The following ADCY10 variants were observed in gnomAD, a reference collection of about 807,000 sequenced individuals.
ADCY10 encodes the protein adenylate cyclase type 10.
In ADCY10, 156 loss-of-function variants were observed where a neutral mutation model predicts 183.3. The observed-to-expected ratio is 0.85, with a 90% CI of 0.75 to 0.97. ADCY10 has a LOEUF of 0.97. Among genes scored for constraint, ADCY10 ranks in the 50% least tolerant of loss-of-function variants. The pLI is 0.00. For synonymous variants in ADCY10, 645 were observed against 670.0 expected (o/e 0.96, Z 0.58); for missense variants, 1,745 against 1,934.3 (o/e 0.90, Z 1.84).
intron 14 of ADCY10, among the ~76,000 whole-genome samples, chr1:167,868,449 T>C (rs1666854698): frequency 6.6e-6 from 1 of 152,184 alleles, no homozygotes; most frequent in Admixed American, 6.5e-5. Flanking sequence ...TGTATAATGG[T>C]ACCACAAAAA....
At chr1:167,909,430 A>T (rs552402298) in intron 1 of ADCY10, among the ~76,000 whole-genome samples, 13 of 152,312 alleles carry the variant, frequency 8.5e-5, no homozygotes, top group African/African-American at 3.1e-4. Flanking sequence ...GGGTATACAC[A>T]TGTTAAACTT....
At chr1:167,869,825 G>C (rs978956164) in intron 14 of ADCY10, among the ~76,000 whole-genome samples, 1 of 151,994 alleles carries the variant, frequency 6.6e-6, no homozygotes, top group Non-Finnish European at 1.5e-5. Flanking sequence ...CTAGCCTGCC[G>C]ATTCTCCCAG....
At chr1:167,859,985 G>A in intron 15 of ADCY10, 92 bp from the exon 16 acceptor site, 2 of 971,214 alleles carry the variant, frequency 2.1e-6, no homozygotes, top group South Asian at 2.6e-5. Context: ...TAACTATTCT[G>A]TGTCTTAAAA....
rs2102245742 is a variant in ADCY10, at chr1:167,880,587, A to T, written c.1043T>A (p.Phe348Tyr). 6.2e-7 allele frequency: 1 copy of T among 1,613,988 alleles called. No homozygotes were observed. ...FDKGCSFLCVFGFPGEKVPDE... is the reference protein window; with the variant it reads ...FDKGCSFLCVYGFPGEKVPDE... ...AGGTACCTTTTCCCCAGGGAAGCCA[A>T]AGACACAGAGGAAAGAGCAGCCCTG... Residue 348 changes from phenylalanine to tyrosine, a missense_variant, in exon 10 of 33, where the codon TTT becomes TAT. Physicochemically the swap from Phe to Tyr is conservative, Grantham distance 22. Coordinates refer to ENST00000367851, the MANE Select transcript of ADCY10 (RefSeq NM_018417.6).
intron 8 of ADCY10, among the ~76,000 whole-genome samples, chr1:167,892,238 C>A (rs1008874691): frequency 3.3e-5 from 5 of 152,188 alleles, no homozygotes; most frequent in African/African-American, 1.2e-4. Context: ...TCCCAAAGTG[C>A]TGGGATTACA....
At chr1:167,854,312 G>A (rs750559473) in intron 18 of ADCY10, 41 bp downstream of exon 18, 1 of 1,613,720 alleles carries the variant, frequency 6.2e-7, no homozygotes, top group East Asian at 2.2e-5. Context: ...ACTTAAGTTA[G>A]GCAGAACAGA....
intron 6 of ADCY10, among the ~76,000 whole-genome samples, chr1:167,898,134 G>A (rs1457137236): frequency 6.6e-6 from 1 of 151,108 alleles, no homozygotes; most frequent in Non-Finnish European, 1.5e-5. Context: ...CTAGTGCATA[G>A]TATTGTACCA....
intron 2 of ADCY10, 130 bp downstream of exon 2, chr1:167,904,863 G>A: frequency 1.7e-6 from 2 of 1,203,696 alleles, no homozygotes; most frequent in South Asian, 1.2e-5. Flanking sequence ...TGTTCTCAGT[G>A]GAGCACATCT....
intron 21 of ADCY10, among the ~76,000 whole-genome samples, chr1:167,842,209 G>A (rs987333085): frequency 6.6e-6 from 1 of 152,092 alleles, no homozygotes; most frequent in Non-Finnish European, 1.5e-5. Context: ...CCATGATCAC[G>A]GCTCACTGCA....
intron 14 of ADCY10, among the ~76,000 whole-genome samples, chr1:167,866,249 C>T (rs547389454): frequency 2.7e-4 from 41 of 152,230 alleles, no homozygotes; most frequent in Middle Eastern, 3.4e-3. Context: ...AATAAGACAT[C>T]GTAAAGCGAG....
intron 8 of ADCY10, among the ~76,000 whole-genome samples, chr1:167,890,784 TCA>T (rs1668532571): frequency 6.6e-6 from 1 of 152,182 alleles, no homozygotes; most frequent in African/African-American, 2.4e-5. Context: ...TGGAATGTTT[TCA>T]CATTCTGTCC....
chr1:167,890,311 G>A (rs1571416958), intron 8 of ADCY10, among the ~76,000 whole-genome samples: 1 of 152,178 alleles, frequency 6.6e-6, no homozygotes, highest in Non-Finnish European at 1.5e-5. Context: ...GACTTATAGA[G>A]GTACCACCTT....
At chr1:167,840,045 C>A (rs55968243) in intron 21 of ADCY10, among the ~76,000 whole-genome samples, 34,780 of 148,078 alleles carry the variant, frequency 0.23, 4,866 homozygotes, top group Non-Finnish European at 0.31. Flanking sequence ...CATGGCAAGA[C>A]CTGTCTATAA....
intron 3 of ADCY10, 43 bp downstream of exon 3, chr1:167,903,844 G>T: frequency 2.8e-6 from 4 of 1,406,760 alleles, no homozygotes; most frequent in Non-Finnish European, 4.0e-6. Context: ...AAAAAACAAT[G>T]AATTGAAATA....
At chr1:167,904,685 G>C in intron 2 of ADCY10, 1 of 591,626 alleles carries the variant, frequency 1.7e-6, no homozygotes, top group East Asian at 2.8e-5. Flanking sequence ...ATTTTGACTG[G>C]GATGTGTATG....
rs150597840 is a variant in ADCY10, at chr1:167,845,829, C to T, written c.2741G>A (p.Arg914His). The change falls in exon 21 of 33, where the codon CGT (arginine) becomes CAT (histidine). Residue 914 changes from arginine (R) to histidine (H), a missense_variant. By Grantham distance (29) the Arg-to-His change is conservative (BLOSUM62 0). Coordinates refer to ENST00000367851, the MANE Select transcript of ADCY10 (RefSeq NM_018417.6). Reference sequence around the variant, plus strand: ...CTCGATCACCTCATTCTCCAGTTCACGAAGCTGTTCCTCTTCACCGTGATC... The same window carrying T: ...CTCGATCACCTCATTCTCCAGTTCATGAAGCTGTTCCTCTTCACCGTGATC... ...GMDHGEEEQL[R>H]ELENEVIECH... The T allele has an allele frequency of 9.7e-5, 156 of 1,614,030 alleles. No homozygotes were observed. Among genetic ancestry groups the T allele is most frequent in the Middle Eastern group, 1.6e-4 (1 of 6,084 alleles).
At chr1:167,818,422 C>T (rs1662664317) in intron 30 of ADCY10, 155 bp from the exon 31 acceptor site, 1 of 780,138 alleles carries the variant, frequency 1.3e-6, no homozygotes, top group African/African-American at 1.7e-5. Context: ...CCTAAAAAAG[C>T]AGGAAATTAT....
intron 15 of ADCY10, among the ~76,000 whole-genome samples, chr1:167,860,602 C>T (rs1666218686): frequency 6.6e-6 from 1 of 152,054 alleles, no homozygotes; most frequent in Non-Finnish European, 1.5e-5. Context: ...ACTTTGTGTC[C>T]CAGAGTAGCT....
chr1:167,829,469 T>C, intron 25 of ADCY10, 46 bp from the exon 26 acceptor site: 5 of 1,611,006 alleles, frequency 3.1e-6, no homozygotes, highest in Non-Finnish European at 4.2e-6. Flanking sequence ...GGTATCATCA[T>C]TACCATGATT....
Sources: gnomAD v4.1 joint callset for allele counts (sites outside exome capture counted in the v4.1 genomes callset) on GRCh38, gnomAD v4.1.1 for gene constraint, MANE v1.5 for transcripts, NCBI Gene and HGNC (gene_info 2026-07-23, HGNC 2026-07-21) for gene names.